The following CHODL variants were observed in gnomAD, a reference collection of about 807,000 sequenced individuals.
The protein encoded by CHODL is chondrolectin, also known as transmembrane protein MT75.
CHODL carries 29 observed loss-of-function variants against 34.5 expected under a neutral mutation model. The ratio of observed to expected loss-of-function variants is 0.84; its 90% CI spans 0.63 to 1.15. The LOEUF (loss-of-function observed/expected upper bound fraction) is 1.15, where lower values mean the gene tolerates loss of function less well. Ranked by LOEUF, CHODL falls within the 50% of genes most tolerant of loss-of-function variation. CHODL has a pLI of 0.00. For missense variants in CHODL, 332 were observed against 332.5 expected, an observed-to-expected ratio of 1.00 and a Z score of 0.01; for synonymous variants, 125 against 116.1, an observed-to-expected ratio of 1.08 and a Z score of -0.49.
intron 2 of CHODL, among the ~76,000 whole-genome samples, chr21:18,147,001 T>C (rs917193594): frequency 2.0e-5 from 3 of 152,240 alleles, no homozygotes; most frequent in Non-Finnish European, 4.4e-5. Flanking sequence ...TTAATCCTTT[T>C]AGCTTTACCT....
At chr21:17,939,041 A>G (rs1302604685) in intron 1 of CHODL, among the ~76,000 whole-genome samples, 1 of 152,240 alleles carries the variant, frequency 6.6e-6, no homozygotes, top group African/African-American at 2.4e-5. Context: ...ATGCAAACAC[A>G]TTAAAATTGA....
At chr21:18,130,428 G>T (rs905918542) in intron 2 of CHODL, among the ~76,000 whole-genome samples, 4 of 152,126 alleles carry the variant, frequency 2.6e-5, no homozygotes, top group African/African-American at 9.7e-5. Flanking sequence ...CCAGTGAAAT[G>T]GATATTAAAA....
At chr21:18,243,918 A>G (rs1348054167), upstream of CHODL, among the ~76,000 whole-genome samples, 3 of 152,232 alleles carry the variant, frequency 2.0e-5, no homozygotes, top group Admixed American at 1.3e-4. Context: ...TCATGCATTT[A>G]AAGCAACATA....
At chr21:18,200,306 A>C (rs1174166291) in intron 2 of CHODL, among the ~76,000 whole-genome samples, 1 of 152,206 alleles carries the variant, frequency 6.6e-6, no homozygotes, top group East Asian at 1.9e-4. Flanking sequence ...AAAATGTATA[A>C]AATTTGCAAT....
chr21:18,261,949 T>G (rs1210104082), intron 4 of CHODL, among the ~76,000 whole-genome samples: 1 of 152,018 alleles, frequency 6.6e-6, no homozygotes, highest in Non-Finnish European at 1.5e-5. Context: ...TCCCAGTGAC[T>G]TGTATGGAAT....
intron 1 of CHODL, among the ~76,000 whole-genome samples, chr21:18,247,711 AG>A (rs1247339674): frequency 1.3e-5 from 2 of 152,080 alleles, no homozygotes; most frequent in Non-Finnish European, 2.9e-5. Flanking sequence ...TAGTAATCAA[AG>A]CCTATTTATT....
At chr21:18,195,215 T>C (rs2073571981) in intron 2 of CHODL, among the ~76,000 whole-genome samples, 1 of 151,934 alleles carries the variant, frequency 6.6e-6, no homozygotes, top group Admixed American at 6.6e-5. Context: ...CCACCACACC[T>C]GGCTAATTTT....
At chr21:17,972,096 C>T (rs1370415045) in intron 1 of CHODL, among the ~76,000 whole-genome samples, 1 of 152,062 alleles carries the variant, frequency 6.6e-6, no homozygotes, top group East Asian at 1.9e-4. Context: ...AAAAATTCAA[C>T]ACCCCTTCAT....
intron 2 of CHODL, among the ~76,000 whole-genome samples, chr21:18,059,982 A>C (rs2064637724): frequency 6.6e-6 from 1 of 151,864 alleles, no homozygotes. Flanking sequence ...CCACTGACCC[A>C]TTATCTTTTA....
At chr21:17,993,685 CAT>C (rs527695995) in intron 1 of CHODL, among the ~76,000 whole-genome samples, 47 of 152,282 alleles carry the variant, frequency 3.1e-4, no homozygotes, top group African/African-American at 1.0e-3. Context: ...CATACGTGTG[CAT>C]ATGTCTTCAG....
intron 2 of CHODL, among the ~76,000 whole-genome samples, chr21:18,136,394 A>T (rs2072728793): frequency 6.6e-6 from 1 of 152,098 alleles, no homozygotes; most frequent in Non-Finnish European, 1.5e-5. Context: ...TTAGACAGAA[A>T]TTGAACAGTG....
At chr21:18,197,296 A>T (rs1004087472) in intron 2 of CHODL, among the ~76,000 whole-genome samples, 4 of 152,200 alleles carry the variant, frequency 2.6e-5, no homozygotes, top group Non-Finnish European at 5.9e-5. Flanking sequence ...TCTCAATTTA[A>T]CATAGTGCCA....
At chr21:18,027,266 C>A (rs553219533) in intron 1 of CHODL, among the ~76,000 whole-genome samples, 5 of 152,106 alleles carry the variant, frequency 3.3e-5, no homozygotes, top group East Asian at 3.9e-4. Context: ...AGAGTAAGAC[C>A]CTGTCTCTAA....
At chr21:18,247,913 T>C (rs2074162198) in intron 1 of CHODL, among the ~76,000 whole-genome samples, 1 of 152,024 alleles carries the variant, frequency 6.6e-6, no homozygotes, top group African/African-American at 2.4e-5. Context: ...AGGATAAATA[T>C]GAAGGATTCC....
chr21:18,218,357 C>T (rs150268951), intron 2 of CHODL, among the ~76,000 whole-genome samples: 2 of 152,198 alleles, frequency 1.3e-5, no homozygotes, highest in African/African-American at 4.8e-5. Flanking sequence ...GGGCTTGCAC[C>T]CTCTGAAGCC....
In CHODL at chr21:18,083,996, G is replaced by A. The variant is rs150721413; in HGVS notation, c.-45+56025G>A. On this transcript the variant is annotated intron_variant, in intron 2 of 6. Coordinates refer to the CHODL transcript ENST00000400127. ...GATTTGGGAGAGGCAATGTGGTTTC[G>A]CTCTGTGTCCCCACTCAAATCTCAT... Among the ~76,000 whole-genome samples, 1,147 of 152,196 alleles carry A rather than the reference G, an allele frequency of 7.5e-3. 27 individuals carry two copies. Among genetic ancestry groups the A allele is most frequent in the Admixed American group, 0.038 (588 of 15,282 alleles).
In CHODL at chr21:18,128,296, C is replaced by CAAAAAAAAAAA. The variant is rs71189585; in HGVS notation, c.-45+100360_-45+100370dup. 2.5e-4 allele frequency among the ~76,000 whole-genome samples: 7 copies of CAAAAAAAAAAA among 28,056 alleles called. 1 individual carries two copies. The highest frequency in any genetic ancestry group is 0.042 in the Middle Eastern group (1 of 24). The allele number at this position is 28,056 out of a possible 152,430, so 18.4% of individuals were successfully genotyped here. A position where few individuals can be genotyped will look rare whatever the true frequency, so the allele number is the denominator to read the frequency against. ...AGCCTGGGTGACAGAGCAAGAGTCT[C>CAAAAAAAAAAA]AAAAAAAAAAAAAAAAAAAAAAAAA... is the stretch of plus-strand genomic sequence containing the variant. On this transcript the variant is annotated intron_variant, in intron 2 of 6. Transcript: ENST00000400127.
At chr21:18,175,240 C>A (rs917911609) in intron 2 of CHODL, among the ~76,000 whole-genome samples, 2 of 152,136 alleles carry the variant, frequency 1.3e-5, no homozygotes, top group African/African-American at 4.8e-5. Context: ...ATCTTACATA[C>A]CCATCCAGTG....
chr21:17,938,343 A>G (rs1020096870), intron 1 of CHODL, among the ~76,000 whole-genome samples: 8 of 152,204 alleles, frequency 5.3e-5, no homozygotes, highest in African/African-American at 1.9e-4. Context: ...TTGAGAGGAC[A>G]AGAAATGCAG....
Sources: gnomAD v4.1 joint callset for allele counts (sites outside exome capture counted in the v4.1 genomes callset) on GRCh38, gnomAD v4.1.1 for gene constraint, MANE v1.5 for transcripts, NCBI Gene and HGNC (gene_info 2026-07-23, HGNC 2026-07-21) for gene names.